Variants in STAG1 observed in about 807,000 individuals in gnomAD.
STAG1 encodes the protein STAG1 cohesin complex component.
Under a neutral mutation model 170.9 loss-of-function variants are expected in STAG1, and 26 were observed. The ratio of observed to expected loss-of-function variants is 0.15; its 90% confidence interval spans 0.11 to 0.21. The LOEUF is 0.21. Among genes scored for constraint, STAG1 ranks in the 10% least tolerant of loss-of-function variants. The probability of loss-of-function intolerance (pLI) is 1.00; values close to 1 mark genes in which losing one functional copy is unlikely to be tolerated. For synonymous variants in STAG1, 514 were observed against 497.7 expected, an observed-to-expected ratio of 1.03 and a Z score of -0.44; for missense variants, 964 against 1,509.5, an observed-to-expected ratio of 0.64 and a Z score of 5.99.
intron 20 of STAG1, 72 bp from the exon 21 acceptor site, chr3:136,418,044 G>T (rs186741812): frequency 8.7e-7 from 1 of 1,151,504 alleles, no homozygotes; most frequent in Non-Finnish European, 1.3e-6. Flanking sequence ...CAGTTCAGGT[G>T]AGTGGAAGAA....
chr3:136,443,437 T>C (rs756192393), intron 14 of STAG1, 33 bp from the exon 15 acceptor site: 1 of 1,414,858 alleles, frequency 7.1e-7, no homozygotes, highest in Non-Finnish European at 9.9e-7. Context: ...GACCAAAGAA[T>C]ATTTAATAAA....
At chr3:136,498,231 T>TACAC (rs1389555862) in intron 9 of STAG1, among the ~76,000 whole-genome samples, 6 of 57,854 alleles carry the variant, frequency 1.0e-4, no homozygotes, top group East Asian at 6.2e-4. Flanking sequence ...TATATATATA[T>TACAC]ATACACATAC....
chr3:136,529,049 A>T (rs1343688590), intron 6 of STAG1, among the ~76,000 whole-genome samples: 1 of 152,190 alleles, frequency 6.6e-6, no homozygotes, highest in Admixed American at 6.5e-5. Flanking sequence ...AGCTTCAACA[A>T]AAGACTGGAT....
At chr3:136,557,353 T>C (rs980370302) in intron 5 of STAG1, among the ~76,000 whole-genome samples, 18 of 152,174 alleles carry the variant, frequency 1.2e-4, no homozygotes, top group African/African-American at 4.3e-4. Flanking sequence ...AATGGGGTCA[T>C]TGTACAATCA....
chr3:136,602,587 A>T (rs1938725309), intron 4 of STAG1, among the ~76,000 whole-genome samples: 1 of 152,092 alleles, frequency 6.6e-6, no homozygotes, highest in Non-Finnish European at 1.5e-5. Flanking sequence ...ATGGTGACTC[A>T]TGCCTGTAAT....
chr3:136,397,849 T>G (rs553794932), intron 22 of STAG1, among the ~76,000 whole-genome samples: 1 of 150,948 alleles, frequency 6.6e-6, no homozygotes, highest in South Asian at 2.1e-4. Flanking sequence ...ACATTAAAAT[T>G]CAAAAAAAAA....
chr3:136,591,352 A>G (rs1938167318), intron 4 of STAG1: 2 of 154,664 alleles, frequency 1.3e-5, no homozygotes. Context: ...AGAAGGAAGG[A>G]AGGAAGAAAG....
At chr3:136,343,308 G>A (rs16843941) in intron 30 of STAG1, among the ~76,000 whole-genome samples, 1,699 of 152,324 alleles carry the variant, frequency 0.011, 13 homozygotes, top group Non-Finnish European at 0.016. Flanking sequence ...TAGCATGGAG[G>A]AAAGGTAAGA....
chr3:136,751,858 G>A (rs1025901929), intron 1 of STAG1, among the ~76,000 whole-genome samples: 2 of 150,832 alleles, frequency 1.3e-5, no homozygotes, highest in African/African-American at 2.4e-5. Flanking sequence ...GCGCCACAAA[G>A]GCTTCCGCGC....
intron 4 of STAG1, among the ~76,000 whole-genome samples, chr3:136,578,589 G>A (rs757617714): frequency 6.6e-6 from 1 of 152,160 alleles, no homozygotes; most frequent in Non-Finnish European, 1.5e-5. Context: ...TTCCCAAAGG[G>A]ACCTGTAGCC....
intron 1 of STAG1, among the ~76,000 whole-genome samples, chr3:136,690,056 C>CAAAAAAAAAAAAAAAAAAAAAAAAAA (rs57082567): frequency 1.8e-5 from 1 of 56,406 alleles, no homozygotes; most frequent in Non-Finnish European, 3.2e-5. Flanking sequence ...AAAAGCAAAC[C>CAAAAAAAAAAAAAAAAAAAAAAAAAA]AAAAAAAAAA....
chr3:136,723,015 G>C (rs1442015223), intron 1 of STAG1, among the ~76,000 whole-genome samples: 30 of 152,242 alleles, frequency 2.0e-4, no homozygotes, highest in Non-Finnish European at 3.7e-4. Flanking sequence ...CCAGGCTGGA[G>C]TGCAGTGGCG....
chr3:136,499,624 A>G (rs1316965112), intron 9 of STAG1: 1 of 152,508 alleles, frequency 6.6e-6, no homozygotes, highest in African/African-American at 2.4e-5. Context: ...CTCTTTTACA[A>G]TGTAGTTAGT....
rs1426540018 is a variant in STAG1 at position 136,500,674 on chromosome 3, A to G, written c.829-378T>C. On this transcript the variant is annotated intron_variant, in intron 8 of 33. Transcript: ENST00000383202. Reference sequence around the variant, plus strand: ...GGTTAAAGGAACATCCCTAATTAACATATTTGCTGTTCTAAAAGTAACTTC... The same window carrying G: ...GGTTAAAGGAACATCCCTAATTAACGTATTTGCTGTTCTAAAAGTAACTTC... 4.6e-5 allele frequency among the ~76,000 whole-genome samples: 7 copies of G among 152,174 alleles called. No individual in the cohort carries two copies. The East Asian group carries it at 1.2e-3, about 25-fold the overall frequency.
chr3:136,730,529 T>C (rs928898247), intron 1 of STAG1, among the ~76,000 whole-genome samples: 3 of 152,236 alleles, frequency 2.0e-5, no homozygotes, highest in South Asian at 2.1e-4. Context: ...TTAATTATTA[T>C]GCATGTAAGC....
chr3:136,671,469 G>A (rs1406993201), intron 1 of STAG1, among the ~76,000 whole-genome samples: 2 of 152,146 alleles, frequency 1.3e-5, no homozygotes, highest in Non-Finnish European at 2.9e-5. Flanking sequence ...AAAGTTACTA[G>A]TGTAGGAATG....
intron 22 of STAG1, among the ~76,000 whole-genome samples, chr3:136,389,459 A>AT (rs1357373628): frequency 1.3e-5 from 2 of 151,886 alleles, no homozygotes; most frequent in Admixed American, 6.6e-5. Context: ...CACTTGGCTA[A>AT]TTTTTTTGTA....
rs142283919 is a variant in STAG1 at position 136,660,491 on chromosome 3, C to T, written c.-83-29510G>A. 3.5e-3 allele frequency among the ~76,000 whole-genome samples: 537 copies of T among 152,064 alleles called. 2 individuals carry two copies. Among genetic ancestry groups the T allele is most frequent in the Non-Finnish European group, 6.1e-3 (412 of 67,986 alleles). ...ATGTTTTTCACGAGAAAAAAAACTA[C>T]AAATAGGATAATTAGACAAAACATA... On this transcript the variant is annotated intron_variant, in intron 1 of 33. Coordinates refer to ENST00000383202, the MANE Select transcript of STAG1 (RefSeq NM_005862.3).
intron 1 of STAG1, among the ~76,000 whole-genome samples, chr3:136,657,362 C>G (rs1037819048): frequency 1.3e-5 from 2 of 151,974 alleles, no homozygotes; most frequent in African/African-American, 4.8e-5. Flanking sequence ...CCACGCCTAG[C>G]TAATTTTTGT....
Sources: allele counts gnomAD v4.1 joint callset (sites outside exome capture counted in the v4.1 genomes callset), GRCh38; gene constraint gnomAD v4.1.1; transcripts MANE v1.5; gene names NCBI Gene and HGNC (gene_info 2026-07-23, HGNC 2026-07-21).